The following ARMC8 variants were observed in gnomAD, a reference collection of about 807,000 sequenced individuals.
ARMC8 encodes the protein armadillo repeat containing 8.
A neutral mutation model predicts 99.3 loss-of-function variants in ARMC8; 20 were observed. The ratio of observed to expected loss-of-function variants is 0.20; its 90% CI spans 0.14 to 0.29. The LOEUF (loss-of-function observed/expected upper bound fraction) is 0.29. Ranked by LOEUF, ARMC8 falls within the 10% of genes least tolerant of loss-of-function variation. The pLI is 1.00. For synonymous variants in ARMC8, 263 were observed against 278.3 expected (o/e 0.95, Z 0.55); for missense variants, 569 against 809.5 (o/e 0.70, Z 3.60).
At chr3:138,263,019 A>G (rs1163081236) in intron 12 of ARMC8, among the ~76,000 whole-genome samples, 1 of 152,256 alleles carries the variant, frequency 6.6e-6, no homozygotes, top group African/African-American at 2.4e-5. Flanking sequence ...GAAGAACTCA[A>G]CAAATGTGTT....
chr3:138,271,511 A>G (rs559930691), intron 16 of ARMC8, among the ~76,000 whole-genome samples: 1 of 152,332 alleles, frequency 6.6e-6, no homozygotes, highest in African/African-American at 2.4e-5. Flanking sequence ...CACAACTTTA[A>G]TGTTGGAAAC....
chr3:138,197,344 G>C (rs2043796058), intron 1 of ARMC8, among the ~76,000 whole-genome samples: 1 of 152,192 alleles, frequency 6.6e-6, no homozygotes, highest in African/African-American at 2.4e-5. Flanking sequence ...AGAATCTGAA[G>C]CAAATAAAGC....
chr3:138,218,744 G>A (rs895921894), intron 2 of ARMC8, among the ~76,000 whole-genome samples: 4 of 152,022 alleles, frequency 2.6e-5, no homozygotes, highest in Non-Finnish European at 2.9e-5. Context: ...TGATACTTTC[G>A]TATACTTCAT....
chr3:138,197,402 G>A (rs1474839866), intron 1 of ARMC8, among the ~76,000 whole-genome samples: 1 of 152,164 alleles, frequency 6.6e-6, no homozygotes, highest in African/African-American at 2.4e-5. Flanking sequence ...ATACTACTTC[G>A]AAGGTGTGCC....
At chr3:138,250,504 A>T (rs549301887) in intron 12 of ARMC8, among the ~76,000 whole-genome samples, 1 of 152,146 alleles carries the variant, frequency 6.6e-6, no homozygotes, top group Non-Finnish European at 1.5e-5. Context: ...CTTGGTAACA[A>T]ATTGTCTTGT....
intron 20 of ARMC8, among the ~76,000 whole-genome samples, chr3:138,289,385 A>G (rs1313063621): frequency 1.3e-5 from 2 of 152,226 alleles, no homozygotes; most frequent in Non-Finnish European, 2.9e-5. Flanking sequence ...CCCTGCCAGG[A>G]GAGAGCTGAT....
chr3:138,211,214 A>T (rs2108031837), intron 2 of ARMC8, among the ~76,000 whole-genome samples: 1 of 152,326 alleles, frequency 6.6e-6, no homozygotes, highest in South Asian at 2.1e-4. Flanking sequence ...CTCTCCACAT[A>T]TAACCAGATA....
chr3:138,270,236 C>T (rs1183031041), intron 16 of ARMC8, 104 bp downstream of exon 16: 1 of 914,964 alleles, frequency 1.1e-6, no homozygotes, highest in Non-Finnish European at 1.6e-6. Context: ...TTTTCTTTTT[C>T]AAAAATCTGG....
chr3:138,245,644 G>T (rs1036007117), intron 12 of ARMC8: 1 of 995,880 alleles, frequency 1.0e-6, no homozygotes, highest in Non-Finnish European at 1.2e-6. Context: ...TTTTGCTACT[G>T]TGCAAGTTTA....
chr3:138,209,926 AG>A, intron 2 of ARMC8, 33 bp downstream of exon 2: 1 of 1,555,952 alleles, frequency 6.4e-7, no homozygotes, highest in South Asian at 1.1e-5. Context: ...TCTATCAAAA[AG>A]TTGTTTGTTT....
chr3:138,202,201 A>G (rs2044123979), intron 1 of ARMC8, among the ~76,000 whole-genome samples: 1 of 152,232 alleles, frequency 6.6e-6, no homozygotes, highest in Non-Finnish European at 1.5e-5. Context: ...TTGACATGTT[A>G]AATTTTGATT....
At chr3:138,229,371 G>A (rs2045920465) in intron 6 of ARMC8, among the ~76,000 whole-genome samples, 2 of 143,656 alleles carry the variant, frequency 1.4e-5, no homozygotes, top group South Asian at 2.2e-4. Flanking sequence ...TAGTATTTTA[G>A]TGTGTAGATT....
intron 1 of ARMC8, among the ~76,000 whole-genome samples, chr3:138,208,324 GA>G (rs1487968038): frequency 6.6e-6 from 1 of 152,152 alleles, no homozygotes; most frequent in African/African-American, 2.4e-5. Context: ...AAATTAGCTG[GA>G]TGTGGTGGTG....
In ARMC8 at chr3:138,187,564, T is replaced by C. The variant is rs944956220; in HGVS notation, c.10T>C (p.Leu4=). MAC[L]LETPIRMSVL... ...GGTGGGAAGGCTCAAGATGGCGTGC[T>C]TGTTGGAGACCCCAATCCGCATGAG... is the stretch of plus-strand genomic sequence containing the variant. Residue 4 remains leucine (L), a synonymous_variant, in exon 1 of 22, where the codon TTG becomes CTG. Transcript: ENST00000469044. The C allele has an allele frequency of 5.9e-6, 9 of 1,535,740 alleles. No homozygotes were observed. Among genetic ancestry groups the C allele is most frequent in the African/African-American group, 5.5e-5 (4 of 73,032 alleles).
chr3:138,203,337 T>G (rs941901024), intron 1 of ARMC8, among the ~76,000 whole-genome samples: 10 of 152,240 alleles, frequency 6.6e-5, no homozygotes, highest in African/African-American at 2.2e-4. Flanking sequence ...TATCTCAGTT[T>G]CTGTAGGTTA....
intron 2 of ARMC8, among the ~76,000 whole-genome samples, chr3:138,215,496 A>G (rs965503821): frequency 6.6e-6 from 1 of 152,166 alleles, no homozygotes; most frequent in Non-Finnish European, 1.5e-5. Context: ...GATTACAAGC[A>G]TGAGCCACCG....
chr3:138,241,201 G>T (rs1196945350), intron 10 of ARMC8, among the ~76,000 whole-genome samples: 1 of 152,198 alleles, frequency 6.6e-6, no homozygotes, highest in Admixed American at 6.5e-5. Flanking sequence ...CAAGTTACTG[G>T]GAAAACCTAG....
intron 12 of ARMC8, among the ~76,000 whole-genome samples, chr3:138,255,206 G>GTTTGT (rs2047325811): frequency 2.6e-5 from 3 of 115,208 alleles, no homozygotes; most frequent in African/African-American, 9.3e-5. Flanking sequence ...TTTTTTTTTT[G>GTTTGT]TTTTTTTTTT....
chr3:138,197,731 G>GA (rs1456943570), intron 1 of ARMC8, among the ~76,000 whole-genome samples: 3 of 152,174 alleles, frequency 2.0e-5, no homozygotes, highest in African/African-American at 7.2e-5. Flanking sequence ...AGATTATGCT[G>GA]TCTCACACAG....
Sources: allele counts gnomAD v4.1 joint callset (sites outside exome capture counted in the v4.1 genomes callset), GRCh38; gene constraint gnomAD v4.1.1; transcripts MANE v1.5; gene names NCBI Gene and HGNC (gene_info 2026-07-23, HGNC 2026-07-21).